Variants in GRIN2A observed in about 807,000 individuals in gnomAD.
GRIN2A encodes glutamate receptor ionotropic, NMDA 2A.
Under a neutral mutation model 113.4 loss-of-function variants are expected in GRIN2A, and 22 were observed. The ratio of observed to expected loss-of-function variants is 0.19; its 90% CI spans 0.14 to 0.28. The LOEUF is 0.28. Among genes scored for constraint, GRIN2A ranks in the 10% least tolerant of loss-of-function variants. The pLI, the probability that GRIN2A is intolerant of heterozygous loss-of-function variation, is 1.00. For missense variants in GRIN2A, 1,502 were observed against 1,887.0 expected, an observed-to-expected ratio of 0.80 and a Z score of 3.78; for synonymous variants, 827 against 738.4, an observed-to-expected ratio of 1.12 and a Z score of -1.94.
Position 9,764,481 on chromosome 16 carries a change from T to C in GRIN2A, c.3063A>G (p.Ile1021Met). 2 of 1,614,164 alleles carry C rather than the reference T, an allele frequency of 1.2e-6. No individual in the cohort carries two copies. Among genetic ancestry groups the C allele is most frequent in the Non-Finnish European group, 1.7e-6 (2 of 1,180,024 alleles). Residue 1021 changes from isoleucine to methionine, a missense_variant, in exon 13 of 13, where the codon ATA becomes ATG. Around this residue, in one of 7 missense-constraint regions of GRIN2A, gnomAD observed 832 missense variants for 789.7 expected, o/e 1.05. Transcript: ENST00000330684. ...GATTCTGGGATAGTGAATCCTGGCG[T>C]ATGGAATCCACGGATTTCTTCCACA... is the stretch of plus-strand genomic sequence containing the variant. Reference protein sequence around the residue: ...RQLWKKSVDSIRQDSLSQNPV... With the variant: ...RQLWKKSVDSMRQDSLSQNPV...
chr16:10,139,286 T>C (rs1596545397), intron 2 of GRIN2A, among the ~76,000 whole-genome samples: 1 of 151,998 alleles, frequency 6.6e-6, no homozygotes, highest in East Asian at 1.9e-4. Flanking sequence ...AGGGTGAGCT[T>C]CCCCACCAAA....
intron 2 of GRIN2A, among the ~76,000 whole-genome samples, chr16:10,142,337 A>T (rs2049343529): frequency 6.6e-6 from 1 of 152,196 alleles, no homozygotes; most frequent in Admixed American, 6.5e-5. Flanking sequence ...CAGATAAATT[A>T]AAAAGACTAA....
In GRIN2A at chr16:9,759,068, T is replaced by A. The variant is rs1254944270; in HGVS notation, c.*4081A>T. The A allele has an allele frequency of 4.6e-6, 1 of 219,518 alleles. No homozygotes were observed. The highest frequency in any genetic ancestry group is 5.8e-5 in the Admixed American group (1 of 17,336). 13.6% of individuals were successfully genotyped at this position (219,518 alleles called of 1,614,324 possible). ...CGCATGTCCCCTTTTCAAGGATTCATGCACAACAGCTATGCACAAAGAAAC... is the reference window on the plus strand; with the variant it reads ...CGCATGTCCCCTTTTCAAGGATTCAAGCACAACAGCTATGCACAAAGAAAC... On this transcript the variant is annotated 3_prime_UTR_variant, in exon 13 of 13. Transcript: ENST00000330684.
chr16:9,997,802 T>C (rs765246008), intron 2 of GRIN2A, among the ~76,000 whole-genome samples: 7 of 152,194 alleles, frequency 4.6e-5, no homozygotes, highest in Non-Finnish European at 1.0e-4. Flanking sequence ...CAAGATCTGA[T>C]GGTTTTATAA....
At chr16:9,990,263 A>G (rs78106676) in intron 2 of GRIN2A, among the ~76,000 whole-genome samples, 11,116 of 152,178 alleles carry the variant, frequency 0.073, 533 homozygotes, top group Non-Finnish European at 0.11. Flanking sequence ...CCATTATCCT[A>G]AGTGGGTTAA....
chr16:9,983,982 C>T (rs892257422), intron 2 of GRIN2A, among the ~76,000 whole-genome samples: 6 of 152,176 alleles, frequency 3.9e-5, no homozygotes, highest in Admixed American at 3.9e-4. Flanking sequence ...AACTCCATAC[C>T]GTTTTTCATA....
chr16:9,798,942 T>A (rs1903179631), intron 10 of GRIN2A, among the ~76,000 whole-genome samples: 1 of 152,216 alleles, frequency 6.6e-6, no homozygotes, highest in Non-Finnish European at 1.5e-5. Context: ...TGCAGAATTT[T>A]TAAAAATCCA....
At chr16:9,803,427 C>A (rs917335243) in intron 10 of GRIN2A, among the ~76,000 whole-genome samples, 1 of 149,030 alleles carries the variant, frequency 6.7e-6, no homozygotes, top group Non-Finnish European at 1.5e-5. Flanking sequence ...AAAAAAAAAA[C>A]AAGAAAGAAA....
chr16:10,168,966 AAATAATAAC>A (rs1265208884), intron 2 of GRIN2A, among the ~76,000 whole-genome samples: 3 of 115,670 alleles, frequency 2.6e-5, no homozygotes, highest in African/African-American at 1.1e-4. Flanking sequence ...ACTCTGTCTC[AAATAATAAC>A]AATAATAATA....
At chr16:9,913,144 G>A (rs970030945) in intron 3 of GRIN2A, among the ~76,000 whole-genome samples, 2 of 152,196 alleles carry the variant, frequency 1.3e-5, no homozygotes. Context: ...TTTCCTTGAA[G>A]CTTCAACCCA....
chr16:10,144,338 T>C (rs2049387847), intron 2 of GRIN2A, among the ~76,000 whole-genome samples: 1 of 152,218 alleles, frequency 6.6e-6, no homozygotes, highest in Non-Finnish European at 1.5e-5. Flanking sequence ...ATTTTTATAA[T>C]AGCCATCCTA....
intron 2 of GRIN2A, among the ~76,000 whole-genome samples, chr16:9,984,944 T>A (rs2045953713): frequency 6.6e-6 from 1 of 152,194 alleles, no homozygotes; most frequent in African/African-American, 2.4e-5. Flanking sequence ...GTATCTGCGA[T>A]ATGACACTCC....
rs758615952 is a variant in GRIN2A at position 9,763,748 on chromosome 16, C to A, written c.3796G>T (p.Val1266Phe). Residue 1266 changes from valine to phenylalanine, a missense_variant, in exon 13 of 13, where the codon GTC becomes TTC. This residue lies in a region of GRIN2A where 832 missense variants were observed against 789.7 expected (regional missense o/e 1.05). Coordinates refer to ENST00000330684, the MANE Select transcript of GRIN2A (RefSeq NM_001134407.3). ...TTCTGTGCCCAGTCCTGCTGGTAGA[C>A]CTGCTCCCCGGTGGCTGGGTTACCT... ...ETGNPATGEQ[V>F]YQQDWAQNNA... 18 of 1,614,130 alleles carry A rather than the reference C, an allele frequency of 1.1e-5. No homozygotes were observed. The highest frequency in any genetic ancestry group is 1.5e-5 in the Non-Finnish European group (18 of 1,180,024).
chr16:10,039,763 A>AGGGAGG (rs1296245709), intron 2 of GRIN2A, among the ~76,000 whole-genome samples: 1 of 60,202 alleles, frequency 1.7e-5, no homozygotes, highest in Non-Finnish European at 3.2e-5. Context: ...CAAATGTGCA[A>AGGGAGG]GGGAGGGAGA....
intron 2 of GRIN2A, among the ~76,000 whole-genome samples, chr16:9,956,788 A>G (rs192335738): frequency 7.4e-4 from 113 of 152,324 alleles, no homozygotes; most frequent in African/African-American, 2.6e-3. Context: ...TTCTCCAAAC[A>G]GGAGATGCTG....
At chr16:9,795,305 G>A (rs996364813) in intron 11 of GRIN2A, among the ~76,000 whole-genome samples, 24 of 152,154 alleles carry the variant, frequency 1.6e-4, no homozygotes, top group African/African-American at 5.1e-4. Context: ...ATCTCTGGTC[G>A]TCCCCACTGC....
chr16:10,039,219 T>C (rs2047095995), intron 2 of GRIN2A, among the ~76,000 whole-genome samples: 1 of 152,028 alleles, frequency 6.6e-6, no homozygotes, highest in Admixed American at 6.5e-5. Flanking sequence ...CCCACTCTTG[T>C]TCCTTGGTGC....
intron 2 of GRIN2A, among the ~76,000 whole-genome samples, chr16:10,158,126 T>A (rs940336502): frequency 2.6e-5 from 4 of 152,134 alleles, no homozygotes; most frequent in Non-Finnish European, 5.9e-5. Context: ...TACTTCAGCC[T>A]CTCGAGCAGC....
chr16:10,146,989 C>G (rs552188039), intron 2 of GRIN2A, among the ~76,000 whole-genome samples: 1 of 152,260 alleles, frequency 6.6e-6, no homozygotes, highest in African/African-American at 2.4e-5. Flanking sequence ...ATCAGGCATG[C>G]TAAACTCAAC....
Sources: allele counts gnomAD v4.1 joint callset (sites outside exome capture counted in the v4.1 genomes callset), GRCh38; gene constraint gnomAD v4.1.1; regional missense constraint gnomAD v4.1.1; transcripts MANE v1.5; gene names NCBI Gene and HGNC (gene_info 2026-07-23, HGNC 2026-07-21).